ITPR2: variants seen among roughly 807,000 people sequenced by gnomAD.
ITPR2 encodes inositol 1,4,5-trisphosphate receptor type 2, also known as inositol 1,4,5-trisphosphate-gated calcium channel ITPR2.
In ITPR2, 207 loss-of-function variants were observed where a neutral mutation model predicts 317.1. The observed-to-expected ratio is 0.65, with a 90% CI of 0.58 to 0.73. ITPR2 has a LOEUF of 0.73. ITPR2 is among the 30% of genes least tolerant of loss of function. The pLI is 0.00. For missense variants in ITPR2, 2,613 were observed against 3,284.0 expected (o/e 0.80, Z 4.99); for synonymous variants, 1,156 against 1,149.1 (o/e 1.01, Z -0.12).
At chr12:26,594,598 C>T (rs1040099883) in intron 32 of ITPR2, among the ~76,000 whole-genome samples, 1 of 152,140 alleles carries the variant, frequency 6.6e-6, no homozygotes, top group Admixed American at 6.6e-5. Flanking sequence ...CTGAGTCCAG[C>T]CACCATCATT....
intron 21 of ITPR2, among the ~76,000 whole-genome samples, chr12:26,642,800 T>G (rs1947023573): frequency 6.6e-6 from 1 of 152,154 alleles, no homozygotes; most frequent in African/African-American, 2.4e-5. Flanking sequence ...CCAAAATGTT[T>G]CCAATCAGGG....
rs1941030328 is a variant in ITPR2, at chr12:26,425,500, C to A, written c.6945+2413G>T. Among the ~76,000 whole-genome samples the A allele has an allele frequency of 5.3e-5, 8 of 151,908 alleles. No homozygotes were observed. In the South Asian group the frequency reaches 1.7e-3, roughly 32 times the overall value. On this transcript the variant is annotated intron_variant, in intron 49 of 56. Transcript: ENST00000381340. ...TGGCTAACATGGTGAAACCTCATCT[C>A]CACTAAAAATACAAAAAATTAGCCA...
intron 1 of ITPR2, among the ~76,000 whole-genome samples, chr12:26,794,718 G>A (rs1342037624): frequency 6.6e-6 from 1 of 152,128 alleles, no homozygotes; most frequent in Non-Finnish European, 1.5e-5. Flanking sequence ...TGCTCTATAT[G>A]TTTATAAACA....
chr12:26,349,293 T>C (rs538633403), intron 55 of ITPR2, among the ~76,000 whole-genome samples: 1 of 152,324 alleles, frequency 6.6e-6, no homozygotes, highest in East Asian at 1.9e-4. Flanking sequence ...GACTTGAAGA[T>C]TCATTTTCAA....
At chr12:26,765,560 TTAA>T (rs1183475983) in intron 2 of ITPR2, among the ~76,000 whole-genome samples, 1 of 152,130 alleles carries the variant, frequency 6.6e-6, no homozygotes, top group African/African-American at 2.4e-5. Context: ...CAACAGTTGT[TTAA>T]ACTTGTAATT....
chr12:26,524,244 A>T (rs1328981682), intron 37 of ITPR2, among the ~76,000 whole-genome samples: 1 of 152,178 alleles, frequency 6.6e-6, no homozygotes, highest in Non-Finnish European at 1.5e-5. Context: ...AAGGTGTGGG[A>T]ATGATACATT....
intron 55 of ITPR2, among the ~76,000 whole-genome samples, chr12:26,386,740 C>T (rs902525475): frequency 3.3e-5 from 5 of 152,074 alleles, no homozygotes; most frequent in Admixed American, 2.0e-4. Context: ...TCAGATGTAA[C>T]GATACTCACT....
At chr12:26,730,596 T>C (rs146337097) in intron 2 of ITPR2, among the ~76,000 whole-genome samples, 6 of 152,312 alleles carry the variant, frequency 3.9e-5, no homozygotes, top group African/African-American at 9.6e-5. Flanking sequence ...AGCCAACAAT[T>C]TGCAGAATTA....
At chr12:26,444,499 C>A (rs1438708050) in intron 45 of ITPR2, among the ~76,000 whole-genome samples, 1 of 152,140 alleles carries the variant, frequency 6.6e-6, no homozygotes, top group Non-Finnish European at 1.5e-5. Context: ...CCATGCCAGG[C>A]ACTAATTCTA....
chr12:26,599,058 T>C, intron 30 of ITPR2, 87 bp downstream of exon 30: 3 of 1,178,334 alleles, frequency 2.5e-6, no homozygotes, highest in Non-Finnish European at 3.8e-6. Context: ...AAACCTATGT[T>C]GTTGGGGGCT....
chr12:26,712,967 G>A (rs1948675275), intron 8 of ITPR2, among the ~76,000 whole-genome samples: 1 of 152,236 alleles, frequency 6.6e-6, no homozygotes, highest in South Asian at 2.1e-4. Flanking sequence ...ACCCTGCTAA[G>A]TGCTCCCCTG....
intron 2 of ITPR2, among the ~76,000 whole-genome samples, chr12:26,738,834 A>G (rs1459578926): frequency 1.3e-5 from 2 of 152,166 alleles, no homozygotes; most frequent in Non-Finnish European, 2.9e-5. Context: ...TTTGGATAAG[A>G]TTAGGTCTTT....
intron 13 of ITPR2, among the ~76,000 whole-genome samples, chr12:26,668,310 C>T (rs966840644): frequency 6.6e-6 from 1 of 152,124 alleles, no homozygotes; most frequent in African/African-American, 2.4e-5. Flanking sequence ...TTAAAGAAAA[C>T]TTAAAGTTCA....
chr12:26,732,587 A>G (rs1261507784), intron 2 of ITPR2, among the ~76,000 whole-genome samples: 1 of 152,178 alleles, frequency 6.6e-6, no homozygotes, highest in Non-Finnish European at 1.5e-5. Flanking sequence ...GACTCTCAAG[A>G]GTTAGCCAGG....
chr12:26,648,335 T>C (rs879904200), intron 21 of ITPR2, among the ~76,000 whole-genome samples: 2 of 152,190 alleles, frequency 1.3e-5, no homozygotes, highest in Non-Finnish European at 2.9e-5. Context: ...CAAACACATT[T>C]TTCTGCATGT....
At chr12:26,574,415 C>T (rs1250337496) in intron 34 of ITPR2, among the ~76,000 whole-genome samples, 1 of 152,104 alleles carries the variant, frequency 6.6e-6, no homozygotes, top group African/African-American at 2.4e-5. Flanking sequence ...GACCAGCGTC[C>T]AAAAACAACC....
intron 2 of ITPR2, among the ~76,000 whole-genome samples, chr12:26,751,032 G>A (rs1949405249): frequency 6.6e-6 from 1 of 152,098 alleles, no homozygotes; most frequent in Non-Finnish European, 1.5e-5. Flanking sequence ...AAAGACCAGG[G>A]CAGGGGGTTC....
At chr12:26,395,226 C>T (rs970288723) in intron 54 of ITPR2, among the ~76,000 whole-genome samples, 7 of 151,778 alleles carry the variant, frequency 4.6e-5, no homozygotes, top group East Asian at 1.9e-4. Flanking sequence ...TTTTGGGAGA[C>T]GGAATAGGAC....
intron 7 of ITPR2, 90 bp downstream of exon 7, chr12:26,715,662 A>C: frequency 2.3e-6 from 2 of 857,116 alleles, no homozygotes; most frequent in Non-Finnish European, 3.7e-6. Flanking sequence ...TAAATTATGA[A>C]CACCAGTGAA....
Sources: gnomAD v4.1 joint callset for allele counts (sites outside exome capture counted in the v4.1 genomes callset) on GRCh38, gnomAD v4.1.1 for gene constraint, MANE v1.5 for transcripts, NCBI Gene and HGNC (gene_info 2026-07-23, HGNC 2026-07-21) for gene names.